TMED6: variants seen among roughly 807,000 people sequenced by gnomAD.
TMED6 encodes transmembrane p24 trafficking protein 6, also known as transmembrane emp24 domain-containing protein 6.
In TMED6, 17 loss-of-function variants were observed where a neutral mutation model predicts 26.5. That is an observed-to-expected ratio of 0.64 (90% CI 0.44 to 0.96). TMED6 has a LOEUF of 0.96. TMED6 is among the 40% of genes least tolerant of loss of function. The pLI is 0.00. For synonymous variants in TMED6, 107 were observed against 106.2 expected, an observed-to-expected ratio of 1.01 and a Z score of -0.04; for missense variants, 309 against 296.5, an observed-to-expected ratio of 1.04 and a Z score of -0.31.
rs74428380 is a variant in TMED6, at chr16:69,347,810, T to G, written c.467A>C (p.Asn156Thr). The G allele has an allele frequency of 5.5e-4, 890 of 1,614,176 alleles. 9 individuals are homozygous for G. The African/African-American group carries it at 0.011, about 19-fold the overall frequency. ...TACCTCAATTGCATCCAGAGTATCA[T>G]TCAGTTGTTTTCTTTCCTTCTGTTT... ...DHKQKERKQL[N>T]DTLDAIEDGT... Residue 156 changes from asparagine (N) to threonine (T), a missense_variant, in exon 3 of 4, where the codon AAT becomes ACT. Coordinates refer to ENST00000288025, the MANE Select transcript of TMED6 (RefSeq NM_144676.4).
intron 3 of TMED6, among the ~76,000 whole-genome samples, chr16:69,346,634 G>A (rs2012691017): frequency 6.6e-6 from 1 of 152,036 alleles, no homozygotes; most frequent in African/African-American, 2.4e-5. Context: ...CATGGTGAGA[G>A]GTGCCTGTAA....
chr16:69,348,152 C>T (rs1029352769), intron 2 of TMED6: 4 of 455,630 alleles, frequency 8.8e-6, no homozygotes, highest in South Asian at 7.1e-5. Flanking sequence ...TTTAGTAACT[C>T]GTTCTTTCCA....
At chr16:69,345,164 CT>C (rs2012663915) in intron 3 of TMED6, among the ~76,000 whole-genome samples, 1 of 152,092 alleles carries the variant, frequency 6.6e-6, no homozygotes, top group Non-Finnish European at 1.5e-5. Flanking sequence ...GTAGTCCCAG[CT>C]ACTCAGGAGG....
At chr16:69,344,266 GA>G (rs2012644220) in intron 3 of TMED6, among the ~76,000 whole-genome samples, 1 of 152,218 alleles carries the variant, frequency 6.6e-6, no homozygotes, top group Non-Finnish European at 1.5e-5. Context: ...GTATATGGTA[GA>G]AGACAAGGGC....
chr16:69,351,522 T>G lies in TMED6; in HGVS notation c.213+19A>C, dbSNP rs770170173. The G allele has an allele frequency of 3.4e-5, 55 of 1,609,654 alleles. No individual in the cohort carries two copies. The highest frequency in any genetic ancestry group is 4.4e-5 in the Non-Finnish European group (52 of 1,177,100). On this transcript the variant is annotated intron_variant, in intron 1 of 3. Coordinates refer to ENST00000288025, the MANE Select transcript of TMED6 (RefSeq NM_144676.4). ...GGAGAAAAAAAAAAGCCCCCCAGTA[T>G]GGCCAGTCACCCACATACCTCGTAA...
intron 2 of TMED6, among the ~76,000 whole-genome samples, chr16:69,349,253 T>C (rs1328878832): frequency 6.6e-6 from 1 of 152,250 alleles, no homozygotes; most frequent in Non-Finnish European, 1.5e-5. Flanking sequence ...TTTTGGTCAC[T>C]TTCCCAGAAT....
Position 69,351,607 on chromosome 16 carries a change from A to G in TMED6, c.147T>C (p.Pro49=). ...GCCAAAAGCATTCCGTGCCTCCTGG[A>G]GGTATCATGATGGCAAAGTCATATC... ...ADRYDFAIMI[P]PGGTECFWQF... The change falls in exon 1 of 4, where the codon CCT becomes CCC. Residue 49 remains proline, a synonymous_variant. Transcript: ENST00000288025. 1 of 1,614,126 alleles carries G rather than the reference A, an allele frequency of 6.2e-7. No homozygotes were observed. Among genetic ancestry groups the G allele is most frequent in the Non-Finnish European group, 8.5e-7 (1 of 1,180,036 alleles).
chr16:69,351,517 C>G (rs1242548095), intron 1 of TMED6, 24 bp downstream of exon 1: 2 of 1,609,704 alleles, frequency 1.2e-6, no homozygotes, highest in Admixed American at 1.7e-5. Flanking sequence ...AAAAGCCCCC[C>G]AGTATGGCCA....
Position 69,343,582 on chromosome 16 carries a change from G to C in TMED6, c.548C>G (p.Ala183Gly). 3.1e-6 allele frequency: 5 copies of C among 1,614,158 alleles called. No individual in the cohort carries two copies. Among genetic ancestry groups the C allele is most frequent in the East Asian group, 2.2e-5 (1 of 44,884 alleles). Reference protein sequence around the residue: ...IFHMWRYYNFARMRKMADFFL... With the variant: ...IFHMWRYYNFGRMRKMADFFL... ...AAAGTCAGCCATTTTCCTCATCCGGGCAAAGTTGTAGTATCGCCACATGTG... is the reference window on the plus strand; with the variant it reads ...AAAGTCAGCCATTTTCCTCATCCGGCCAAAGTTGTAGTATCGCCACATGTG... The change falls in exon 4 of 4, where the codon GCC (alanine) becomes GGC (glycine). Residue 183 changes from alanine (A) to glycine (G), a missense_variant. Coordinates refer to ENST00000288025, the MANE Select transcript of TMED6 (RefSeq NM_144676.4).
intron 1 of TMED6, among the ~76,000 whole-genome samples, chr16:69,349,884 C>G (rs768482548): frequency 1.3e-5 from 2 of 152,164 alleles, no homozygotes; most frequent in Non-Finnish European, 2.9e-5. Flanking sequence ...AGAAACAGTA[C>G]AGCAGGACAA....
chr16:69,350,185 T>C (rs1051823803), intron 1 of TMED6, among the ~76,000 whole-genome samples: 3 of 150,490 alleles, frequency 2.0e-5, no homozygotes, highest in Admixed American at 6.6e-5. Context: ...GGCAGGAGAA[T>C]TGCTTGAACC....
chr16:69,343,712 C>G (rs2012629228), intron 3 of TMED6, 72 bp from the exon 4 acceptor site: 1 of 1,176,148 alleles, frequency 8.5e-7, no homozygotes, highest in Non-Finnish European at 1.2e-6. Flanking sequence ...CTCACTAGCA[C>G]TAACCTATCT....
At position 69,351,730 on chromosome 16, in the gene TMED6, A is replaced by T; in HGVS notation, c.24T>A (p.Ala8=). MSPLLFG[A]GLVVLNLVTS... ...TCACTAGATTCAGAACGACCAGCCC[A>T]GCCCCAAAGAGCAAAGGGGACATGC... Residue 8 remains alanine, a synonymous_variant, in exon 1 of 4, where the codon GCT becomes GCA. Transcript: ENST00000288025. 6.2e-7 allele frequency: 1 copy of T among 1,613,250 alleles called. No homozygotes were observed. Among genetic ancestry groups the T allele is most frequent in the Admixed American group, 1.7e-5 (1 of 59,966 alleles).
rs142407448 is a variant in TMED6 at position 69,349,554 on chromosome 16, C to T, written c.311G>A (p.Gly104Asp). The part of the protein sequence containing the change: ...FLIDTSQGVR[G>D]QINFSTQETG... ...CTCTTGGGTAGAGAAGTTAATCTGG[C>T]CCCGAACACCCTGGGAGGTGTCTAT... Residue 104 changes from glycine (G) to aspartate (D), a missense_variant, in exon 2 of 4, where the codon GGC becomes GAC. Coordinates refer to ENST00000288025, the MANE Select transcript of TMED6 (RefSeq NM_144676.4). 182 of 1,613,896 alleles carry T rather than the reference C, an allele frequency of 1.1e-4. No individual in the cohort carries two copies. The highest frequency in any genetic ancestry group is 5.0e-4 in the Middle Eastern group (3 of 6,020).
chr16:69,343,819 G>C (rs2012631487), intron 3 of TMED6, among the ~76,000 whole-genome samples, 179 bp from the exon 4 acceptor site: 1 of 152,098 alleles, frequency 6.6e-6, no homozygotes, highest in South Asian at 2.1e-4. Flanking sequence ...GTCTGGATTT[G>C]AGTTTAAAAT....
intron 3 of TMED6, among the ~76,000 whole-genome samples, chr16:69,346,862 T>C (rs1445983439): frequency 6.6e-6 from 1 of 152,092 alleles, no homozygotes; most frequent in East Asian, 1.9e-4. Flanking sequence ...CTGATTAATC[T>C]CGGCACAGTA....
Position 69,343,515 on chromosome 16 carries a change from C to CGACCACCAG in TMED6, c.606_614dup (p.Trp203_Ser205dup), listed in dbSNP as rs764977598. 6.2e-7 allele frequency: 1 copy of CGACCACCAG among 1,614,092 alleles called. No homozygotes were observed. Among genetic ancestry groups the CGACCACCAG allele is most frequent in the East Asian group, 2.2e-5 (1 of 44,882 alleles). The stretch of plus-strand genomic sequence containing the variant: ...GAATAATAACAAGGCTCTGGGCTGT[C>CGACCACCAG]GACCACCAGTTCACGTAGTTATAGT... On this transcript the variant is annotated inframe_insertion, in exon 4 of 4. Coordinates refer to ENST00000288025, the MANE Select transcript of TMED6 (RefSeq NM_144676.4).
chr16:69,343,927 CAA>C (rs2012634667), intron 3 of TMED6, among the ~76,000 whole-genome samples: 1 of 152,174 alleles, frequency 6.6e-6, no homozygotes. Flanking sequence ...CTTCTGCGCT[CAA>C]GTGATCTTCC....
In TMED6 at chr16:69,351,658, G is replaced by A; in HGVS notation, c.96C>T (p.Asp32=). 2 of 1,613,946 alleles carry A rather than the reference G, an allele frequency of 1.2e-6. No individual in the cohort carries two copies. Among genetic ancestry groups the A allele is most frequent in the South Asian group, 1.1e-5 (1 of 91,054 alleles). Residue 32 remains aspartate, a synonymous_variant, in exon 1 of 4, where the codon GAC becomes GAT. Coordinates refer to ENST00000288025, the MANE Select transcript of TMED6 (RefSeq NM_144676.4). ...GATCAGCTCCACGGAAGAGTGGCTG[G>A]TCCCCAGAGCCACTTAGAGGTTCTG... ...QKTEPLSGSG[D]QPLFRGADRY...
Sources: allele counts gnomAD v4.1 joint callset (sites outside exome capture counted in the v4.1 genomes callset), GRCh38; gene constraint gnomAD v4.1.1; transcripts MANE v1.5; gene names NCBI Gene and HGNC (gene_info 2026-07-23, HGNC 2026-07-21).